The following TIFAB variants were observed in gnomAD, a reference collection of about 807,000 sequenced individuals.
TIFAB encodes the protein TIFA inhibitor.
For synonymous variants in TIFAB, 116 were observed against 95.2 expected (o/e 1.22, Z -1.27); for missense variants, 222 against 203.6 (o/e 1.09, Z -0.55).
chr5:135,452,266 T>C lies in TIFAB; in HGVS notation c.-68A>G, dbSNP rs537029753. 20 of 152,116 alleles carry C rather than the reference T, an allele frequency of 1.3e-4. No individual in the cohort carries two copies. The highest frequency in any genetic ancestry group is 4.6e-4 in the African/African-American group (19 of 41,460). 9.4% of individuals were successfully genotyped at this position (152,116 alleles called of 1,614,324 possible). On this transcript the variant is annotated 5_prime_UTR_variant, in exon 1 of 2. Coordinates refer to ENST00000537858, the MANE Select transcript of TIFAB (RefSeq NM_001099221.2). The stretch of plus-strand genomic sequence containing the variant: ...GCAGCTGTGAGCTCTTGAGAGGGAG[T>C]AGGCTGGTTTGGGTAGGGCTGGGAG...
In TIFAB at chr5:135,449,784, G is replaced by A. The variant is rs779455443; in HGVS notation, c.156C>T (p.Arg52=). The A allele has an allele frequency of 6.2e-7, 1 of 1,611,414 alleles. No homozygotes were observed. Among genetic ancestry groups the A allele is most frequent in the Non-Finnish European group, 8.5e-7 (1 of 1,177,822 alleles). Residue 52 remains arginine, a synonymous_variant, in exon 2 of 2, where the codon CGC becomes CGT. Transcript: ENST00000537858. ...QDAHLQLQLP[R]LSRRHLSLEP... ...CCAGGGACAGGTGACGGCGGGAGAGGCGAGGGAGCTGCAGCTGGAGGTGGG... is the reference window on the plus strand; with the variant it reads ...CCAGGGACAGGTGACGGCGGGAGAGACGAGGGAGCTGCAGCTGGAGGTGGG...
rs535247505 is a variant in TIFAB at position 135,449,048 on chromosome 5, G to C, written c.*406C>G. 4 of 203,254 alleles carry C rather than the reference G, an allele frequency of 2.0e-5. No individual in the cohort carries two copies. The Admixed American group carries it at 2.1e-4, about 11-fold the overall frequency. The allele number at this position is 203,254 out of a possible 1,614,324, so 12.6% of individuals were successfully genotyped here. ...CAGCACACAAAATGAACCACATAAA[G>C]TAACTCCTAGTCAGACAACAGGGAG... On this transcript the variant is annotated 3_prime_UTR_variant, in exon 2 of 2. Transcript: ENST00000537858.
At position 135,449,620 on chromosome 5, in the gene TIFAB, A is replaced by G; in HGVS notation, c.320T>C (p.Phe107Ser). 3 of 1,614,158 alleles carry G rather than the reference A, an allele frequency of 1.9e-6. No individual in the cohort carries two copies. Among genetic ancestry groups the G allele is most frequent in the Non-Finnish European group, 2.5e-6 (3 of 1,180,024 alleles). ...GCGAACCAGCATCTGGATGCCTGAG[A>G]AGGAGACCCTGTTGACGGTGCTCAG... ...VPLSTVNRVSFSGIQMLVRVE... is the reference protein window; with the variant it reads ...VPLSTVNRVSSSGIQMLVRVE... Residue 107 changes from phenylalanine (F) to serine (S), a missense_variant, in exon 2 of 2, where the codon TTC (phenylalanine) becomes TCC (serine). Phe to Ser is a radical substitution (Grantham distance 155). Coordinates refer to ENST00000537858, the MANE Select transcript of TIFAB (RefSeq NM_001099221.2).
chr5:135,449,623 G>C lies in TIFAB; in HGVS notation c.317C>G (p.Ser106Cys), dbSNP rs1366282929. Residue 106 changes from serine to cysteine, a missense_variant, in exon 2 of 2, where the codon TCC (serine) becomes TGC (cysteine). Transcript: ENST00000537858. ...AACCAGCATCTGGATGCCTGAGAAG[G>C]AGACCCTGTTGACGGTGCTCAGGGG... ...QVPLSTVNRV[S>C]FSGIQMLVRV... is the part of the protein sequence containing the mutation. 4 of 1,614,104 alleles carry C rather than the reference G, an allele frequency of 2.5e-6. No homozygotes were observed. The highest frequency in any genetic ancestry group is 3.4e-6 in the Non-Finnish European group (4 of 1,180,060).
In TIFAB at chr5:135,449,710, G is replaced by A; in HGVS notation, c.230C>T (p.Ala77Val). 1 of 1,614,106 alleles carries A rather than the reference G, an allele frequency of 6.2e-7. No individual in the cohort carries two copies. The highest frequency in any genetic ancestry group is 8.5e-7 in the Non-Finnish European group (1 of 1,180,038). Reference sequence around the variant, plus strand: ...CCACACACAGCCCTTGCGGCTCAGGGCCTTGAGGCAGAAGGCCAGCAGGGC... The same window carrying A: ...CCACACACAGCCCTTGCGGCTCAGGACCTTGAGGCAGAAGGCCAGCAGGGC... ...GSALLAFCLK[A>V]LSRKGCVWVN... Residue 77 changes from alanine (A) to valine (V), a missense_variant, in exon 2 of 2, where the codon GCC (alanine) becomes GTC (valine). Physicochemically the swap from Ala to Val is moderately conservative, Grantham distance 64. Coordinates refer to ENST00000537858, the MANE Select transcript of TIFAB (RefSeq NM_001099221.2).
Position 135,447,141 on chromosome 5 carries a change from A to G in TIFAB, c.*2313T>C. 1 of 1,613,620 alleles carries G rather than the reference A, an allele frequency of 6.2e-7. No individual in the cohort carries two copies. Among genetic ancestry groups the G allele is most frequent in the Middle Eastern group, 1.6e-4 (1 of 6,062 alleles). ...GGACCATTTTGGTCAGTGACAGATC[A>G]CTGCTGCTTTTCATCAGACCAAAAT... On this transcript the variant is annotated 3_prime_UTR_variant, in exon 2 of 2. Coordinates refer to ENST00000537858, the MANE Select transcript of TIFAB (RefSeq NM_001099221.2).
At position 135,447,853 on chromosome 5, in the gene TIFAB, C is replaced by A. The variant is rs1240952911; in HGVS notation, c.*1601G>T. 1.3e-5 allele frequency: 2 copies of A among 152,242 alleles called. No individual in the cohort carries two copies. Among genetic ancestry groups the A allele is most frequent in the African/African-American group, 4.8e-5 (2 of 41,436 alleles). The allele number at this position is 152,242 out of a possible 1,614,324, so 9.4% of individuals were successfully genotyped here. A position where few individuals can be genotyped will look rare whatever the true frequency, so the allele number is the denominator to read the frequency against. On this transcript the variant is annotated 3_prime_UTR_variant, in exon 2 of 2. Coordinates refer to ENST00000537858, the MANE Select transcript of TIFAB (RefSeq NM_001099221.2). ...ACTTTCCTGAGTGCAAGGTAAACTC[C>A]CTGAGGGAGTTTGCCTTATTCACTT...
rs142525704 is a variant in TIFAB at position 135,447,073 on chromosome 5, C to A, written c.*2381G>T. 7.4e-6 allele frequency: 12 copies of A among 1,614,028 alleles called. No homozygotes were observed. Among genetic ancestry groups the A allele is most frequent in the Middle Eastern group, 1.6e-4 (1 of 6,062 alleles). Reference sequence around the variant, plus strand: ...GTACAGTCTCCAGGCCGTGGCTTCTCGAGTTCTGTATGTGGGTTGCTGCTC... The same window carrying A: ...GTACAGTCTCCAGGCCGTGGCTTCTAGAGTTCTGTATGTGGGTTGCTGCTC... On this transcript the variant is annotated 3_prime_UTR_variant, in exon 2 of 2. Coordinates refer to ENST00000537858, the MANE Select transcript of TIFAB (RefSeq NM_001099221.2).
In TIFAB at chr5:135,448,156, G is replaced by T. The variant is rs17168361; in HGVS notation, c.*1298C>A. On this transcript the variant is annotated 3_prime_UTR_variant, in exon 2 of 2. Coordinates refer to ENST00000537858, the MANE Select transcript of TIFAB (RefSeq NM_001099221.2). ...AAGATGCTCAGGGCCTGTGAGTGAA[G>T]TTGGACCTCCTTGTAGCTTGCCCTG... The T allele has an allele frequency of 0.16, 23,784 of 152,142 alleles. 1,946 individuals are homozygous for T. Among genetic ancestry groups the T allele is most frequent in the African/African-American group, 0.2 (8,456 of 41,472 alleles). The allele number at this position is 152,142 out of a possible 1,614,324, so 9.4% of individuals were successfully genotyped here. A position where few individuals can be genotyped will look rare whatever the true frequency, so the allele number is the denominator to read the frequency against.
Position 135,447,083 on chromosome 5 carries a change from A to G in TIFAB, c.*2371T>C, listed in dbSNP as rs765551056. 6.2e-7 allele frequency: 1 copy of G among 1,614,010 alleles called. No homozygotes were observed. Among genetic ancestry groups the G allele is most frequent in the South Asian group, 1.1e-5 (1 of 91,090 alleles). ...CAGGCCGTGGCTTCTCGAGTTCTGT[A>G]TGTGGGTTGCTGCTCCGTAATGCAT... On this transcript the variant is annotated 3_prime_UTR_variant, in exon 2 of 2. Transcript: ENST00000537858.
Position 135,447,184 on chromosome 5 carries a change from C to T in TIFAB, c.*2270G>A. ...ACCAAAATACATGTGGCTTCTTCTC[C>T]TTGCCAGCCCTACCAGGGCATCTCC... On this transcript the variant is annotated 3_prime_UTR_variant, in exon 2 of 2. Transcript: ENST00000537858. 2 of 1,575,016 alleles carry T rather than the reference C, an allele frequency of 1.3e-6. No individual in the cohort carries two copies. The highest frequency in any genetic ancestry group is 1.7e-6 in the Non-Finnish European group (2 of 1,149,656).
At chr5:135,451,402 C>T (rs1212737532) in intron 1 of TIFAB, among the ~76,000 whole-genome samples, 2 of 152,168 alleles carry the variant, frequency 1.3e-5, no homozygotes, top group Non-Finnish European at 2.9e-5. Context: ...GAGGGCACCC[C>T]CTTTCCCCTA....
Position 135,445,710 on chromosome 5 carries a change from C to T in TIFAB, c.*3744G>A, listed in dbSNP as rs744247. ...AGTGCTCCACCATGGGCCTCCCTTCCTCCAGGTTGCATCCAGGACTATGCT... is the reference window on the plus strand; with the variant it reads ...AGTGCTCCACCATGGGCCTCCCTTCTTCCAGGTTGCATCCAGGACTATGCT... On this transcript the variant is annotated 3_prime_UTR_variant, in exon 2 of 2. Coordinates refer to ENST00000537858, the MANE Select transcript of TIFAB (RefSeq NM_001099221.2). The T allele has an allele frequency of 0.18, 28,069 of 152,396 alleles. 2,775 individuals are homozygous for T. Among genetic ancestry groups the T allele is most frequent in the Admixed American group, 0.29 (4,403 of 15,304 alleles). 9.4% of individuals were successfully genotyped at this position (152,396 alleles called of 1,614,324 possible).
chr5:135,450,024 C>T lies in TIFAB; in HGVS notation c.-10-75G>A, dbSNP rs550592049. 1.3e-5 allele frequency: 19 copies of T among 1,500,158 alleles called. No individual in the cohort carries two copies. The South Asian group carries it at 1.8e-4, about 14-fold the overall frequency. 92.9% of individuals were successfully genotyped at this position (1,500,158 alleles called of 1,614,324 possible). On this transcript the variant is annotated intron_variant, in intron 1 of 1. Coordinates refer to ENST00000537858, the MANE Select transcript of TIFAB (RefSeq NM_001099221.2). ...CTGTGGCTCCCTGAGCCCAGACACA[C>T]TTGCCCACCTCAGGGGCCCTGTGCC...
At position 135,446,304 on chromosome 5, in the gene TIFAB, T is replaced by A. The variant is rs1456172446; in HGVS notation, c.*3150A>T. ...AGAGGGCCCTAGCTGGGAGCAGCGTTCATGTGCACTGTATGTTCGTGTTTA... is the reference window on the plus strand; with the variant it reads ...AGAGGGCCCTAGCTGGGAGCAGCGTACATGTGCACTGTATGTTCGTGTTTA... On this transcript the variant is annotated 3_prime_UTR_variant, in exon 2 of 2. Transcript: ENST00000537858. The A allele has an allele frequency of 6.6e-7, 1 of 1,516,286 alleles. No individual in the cohort carries two copies. The highest frequency in any genetic ancestry group is 2.1e-5 in the Admixed American group (1 of 47,296). The allele number at this position is 1,516,286 out of a possible 1,614,324, so 93.9% of individuals were successfully genotyped here. A position where few individuals can be genotyped will look rare whatever the true frequency, so the allele number is the denominator to read the frequency against.
rs1769317555 is a variant in TIFAB, at chr5:135,448,854, T to C, written c.*600A>G. On this transcript the variant is annotated 3_prime_UTR_variant, in exon 2 of 2. Coordinates refer to ENST00000537858, the MANE Select transcript of TIFAB (RefSeq NM_001099221.2). Reference sequence around the variant, plus strand: ...CCCATCTGGGGATCAGGGAATCCTATTGGGTATGCCAGCTTAATGAAATAC... The same window carrying C: ...CCCATCTGGGGATCAGGGAATCCTACTGGGTATGCCAGCTTAATGAAATAC... 1 of 155,136 alleles carries C rather than the reference T, an allele frequency of 6.4e-6. No individual in the cohort carries two copies. The highest frequency in any genetic ancestry group is 2.4e-5 in the African/African-American group (1 of 41,450). 9.6% of individuals were successfully genotyped at this position (155,136 alleles called of 1,614,324 possible).
rs541544869 is a variant in TIFAB, at chr5:135,446,734, C to A, written c.*2720G>T. ...AAACCAGATGTTTCCGGGCTCCCTC[C>A]CGCCTGGTCTGGCCTGTCTTCCTTC... On this transcript the variant is annotated 3_prime_UTR_variant, in exon 2 of 2. Coordinates refer to ENST00000537858, the MANE Select transcript of TIFAB (RefSeq NM_001099221.2). 1 of 1,613,968 alleles carries A rather than the reference C, an allele frequency of 6.2e-7. No homozygotes were observed. Among genetic ancestry groups the A allele is most frequent in the East Asian group, 2.2e-5 (1 of 44,880 alleles).
rs1240322560 is a variant in TIFAB at position 135,449,584 on chromosome 5, CCTT to C, written c.353_355del (p.Glu118del). 5.0e-6 allele frequency: 8 copies of C among 1,614,254 alleles called. No homozygotes were observed. Among genetic ancestry groups the C allele is most frequent in the East Asian group, 2.2e-5 (1 of 44,888 alleles). ...GCAGACAAAAGCCTCCAGGGATGTG[CCTT>C]CTTCTACGCGAACCAGCATCTGGAT... On this transcript the variant is annotated inframe_deletion, in exon 2 of 2. Coordinates refer to ENST00000537858, the MANE Select transcript of TIFAB (RefSeq NM_001099221.2).
In TIFAB at chr5:135,449,270, A is replaced by G; in HGVS notation, c.*184T>C. 1.1e-6 allele frequency: 1 copy of G among 885,122 alleles called. No individual in the cohort carries two copies. The highest frequency in any genetic ancestry group is 1.8e-5 in the South Asian group (1 of 55,190). 54.8% of individuals were successfully genotyped at this position (885,122 alleles called of 1,614,324 possible). On this transcript the variant is annotated 3_prime_UTR_variant, in exon 2 of 2. Coordinates refer to ENST00000537858, the MANE Select transcript of TIFAB (RefSeq NM_001099221.2). ...TTTGCTTGTCAACCTTGCATGATGC[A>G]GCTCAAGTATTTCAAATCCTGTTTC...
Sources: gnomAD v4.1 joint callset for allele counts (sites outside exome capture counted in the v4.1 genomes callset) on GRCh38, gnomAD v4.1.1 for gene constraint, MANE v1.5 for transcripts, NCBI Gene and HGNC (gene_info 2026-07-23, HGNC 2026-07-21) for gene names.